TPPP2: variants seen among roughly 807,000 people sequenced by gnomAD.
TPPP2 encodes the protein tubulin polymerization promoting protein family member 2.
In TPPP2, 8 loss-of-function variants were observed where a neutral mutation model predicts 13.0. That is an observed-to-expected ratio of 0.62 (90% CI 0.36 to 1.11). TPPP2 has a LOEUF of 1.11. TPPP2 is among the 50% of genes most tolerant of loss of function. The probability of loss-of-function intolerance (pLI) is 0.02; values close to 1 mark genes in which losing one functional copy is unlikely to be tolerated. For synonymous variants in TPPP2, 81 were observed against 81.8 expected (o/e 0.99, Z 0.05); for missense variants, 213 against 216.9 (o/e 0.98, Z 0.11).
chr14:21,035,067 T>C (rs1333881969), downstream of TPPP2, among the ~76,000 whole-genome samples: 1 of 152,214 alleles, frequency 6.6e-6, no homozygotes, highest in Non-Finnish European at 1.5e-5. Context: ...GAACAGAGCA[T>C]TCGCCACTTT....
chr14:21,034,401 C>A, downstream of TPPP2: 1 of 769,270 alleles, frequency 1.3e-6, no homozygotes. Context: ...TAGAGATCAT[C>A]TCACCCATAA....
upstream of TPPP2, chr14:21,025,407 T>G (rs1002853027): frequency 3.0e-6 from 3 of 985,582 alleles, no homozygotes; most frequent in Non-Finnish European, 3.6e-6. The surrounding 1 kb of genome is among the most constrained non-coding windows in gnomAD (Gnocchi z 5.1). Context: ...GATCTGCAAT[T>G]GCACTCTGGC....
chr14:21,034,172 A>T (rs199998997), downstream of TPPP2: 1 of 1,614,022 alleles, frequency 6.2e-7, no homozygotes. Flanking sequence ...TAACCCTGGG[A>T]TAGTCAATGC....
At chr14:21,029,109 A>G (rs1371189678), upstream of TPPP2, 1 of 152,182 alleles carries the variant, frequency 6.6e-6, no homozygotes, top group African/African-American at 2.4e-5. Context: ...CACATCTGTT[A>G]TACTCCAAGG....
Position 21,032,266 on chromosome 14 carries a change from C to T in TPPP2, c.*189C>T, listed in dbSNP as rs1015074612. Reference sequence around the variant, plus strand: ...GGTGGGTTCTCCACCACACACCCTTCGCTCTGCTTAGCCTTATGCCTACCA... The same window carrying T: ...GGTGGGTTCTCCACCACACACCCTTTGCTCTGCTTAGCCTTATGCCTACCA... On this transcript the variant is annotated 3_prime_UTR_variant, in exon 4 of 4. Transcript: ENST00000321760. 8.6e-6 allele frequency: 6 copies of T among 695,468 alleles called. No homozygotes were observed. Among genetic ancestry groups the T allele is most frequent in the African/African-American group, 3.5e-5 (2 of 56,988 alleles). The allele number at this position is 695,468 out of a possible 1,614,324, so 43.1% of individuals were successfully genotyped here. A position where few individuals can be genotyped will look rare whatever the true frequency, so the allele number is the denominator to read the frequency against.
At chr14:21,034,509 A>T (rs112963399), downstream of TPPP2, 324 of 566,636 alleles carry the variant, frequency 5.7e-4, 2 homozygotes, top group African/African-American at 5.4e-3. Flanking sequence ...CCACCACAGA[A>T]TCTCAGCCTC....
chr14:21,034,042 G>C, downstream of TPPP2: 1 of 1,614,130 alleles, frequency 6.2e-7, no homozygotes, highest in Non-Finnish European at 8.5e-7. Context: ...CAGAACTTCT[G>C]GATGGCCTTC....
In TPPP2 at chr14:21,030,622, C is replaced by G. The variant is rs777450911; in HGVS notation, c.41C>G (p.Ala14Gly). 1 of 1,613,836 alleles carries G rather than the reference C, an allele frequency of 6.2e-7. No homozygotes were observed. Among genetic ancestry groups the G allele is most frequent in the African/African-American group, 1.3e-5 (1 of 74,900 alleles). ...GAAAAAACATTCCATCGGTTTGCTG[C>G]GTTTGGAGAATCATCAAGCAGTGGC... ...EAEKTFHRFA[A>G]FGESSSSGTE... Residue 14 changes from alanine (A) to glycine (G), a missense_variant, in exon 2 of 4, where the codon GCG becomes GGG. Physicochemically the swap from Ala to Gly is moderately conservative, Grantham distance 60. Coordinates refer to ENST00000321760, the MANE Select transcript of TPPP2 (RefSeq NM_173846.5).
intron 3 of TPPP2, chr14:21,031,396 G>C (rs375035778): frequency 3.8e-6 from 2 of 531,686 alleles, no homozygotes. Context: ...CAAGTGTCTA[G>C]TATCTGAGCC....
At chr14:21,033,656 C>T, downstream of TPPP2, 1 of 633,274 alleles carries the variant, frequency 1.6e-6, no homozygotes, top group Non-Finnish European at 2.8e-6. Flanking sequence ...CACCACTTTG[C>T]ATGGTGATCA....
chr14:21,027,028 A>G (rs1883725950), upstream of TPPP2, among the ~76,000 whole-genome samples: 1 of 152,180 alleles, frequency 6.6e-6, no homozygotes, highest in South Asian at 2.1e-4. Context: ...TGAAGGTTCC[A>G]GCATCTAAAT....
downstream of TPPP2, chr14:21,035,864 G>A (rs1166628893): frequency 2.4e-5 from 11 of 455,884 alleles, 1 homozygote; most frequent in East Asian, 2.8e-4. Context: ...TCCCAGCTAC[G>A]GGGAGGCGGT....
chr14:21,031,704 C>G (rs774049458), intron 3 of TPPP2, among the ~76,000 whole-genome samples, 188 bp from the exon 4 acceptor site: 14 of 152,138 alleles, frequency 9.2e-5, no homozygotes, highest in Admixed American at 2.0e-4. Flanking sequence ...CCTCCTCCCC[C>G]ATGAGTGAAC....
chr14:21,025,637 C>T (rs1185944837), upstream of TPPP2: 4 of 985,384 alleles, frequency 4.1e-6, no homozygotes, highest in East Asian at 1.1e-4. This position sits in a 1 kb window ranked among gnomAD's most constrained non-coding sequence, Gnocchi z 5.1. Context: ...ACGTCGAGGG[C>T]GCAGGAGTTC....
At chr14:21,027,844 G>A (rs1307973632), upstream of TPPP2, among the ~76,000 whole-genome samples, 1 of 152,202 alleles carries the variant, frequency 6.6e-6, no homozygotes, top group Non-Finnish European at 1.5e-5. Flanking sequence ...ACCACCAAAT[G>A]AGAAGTGCAA....
At chr14:21,033,417 T>C, downstream of TPPP2, 2 of 281,502 alleles carry the variant, frequency 7.1e-6, no homozygotes, top group South Asian at 8.0e-5. Context: ...ATGAGAAGGC[T>C]GGTGGGGATG....
At chr14:21,024,618 G>C (rs114484261) in intron 1 of TPPP2, 1 of 983,980 alleles carries the variant, frequency 1.0e-6, no homozygotes, top group Non-Finnish European at 1.2e-6. Context: ...TAGGTCCCAC[G>C]AGTGGAGAAA....
chr14:21,033,962 G>T, downstream of TPPP2: 1 of 1,614,084 alleles, frequency 6.2e-7, no homozygotes, highest in South Asian at 1.1e-5. Context: ...AGCAGACCGT[G>T]ATGGGGAGGG....
chr14:21,031,293 G>C lies in TPPP2; in HGVS notation c.327+128G>C, dbSNP rs762370341. 3 of 1,277,690 alleles carry C rather than the reference G, an allele frequency of 2.3e-6. No individual in the cohort carries two copies. In the African/African-American group the frequency reaches 4.5e-5, roughly 19 times the overall value. 79.1% of individuals were successfully genotyped at this position (1,277,690 alleles called of 1,614,324 possible). A position where few individuals can be genotyped will look rare whatever the true frequency, so the allele number is the denominator to read the frequency against. ...CGAAACAGACTTTAGAGATCATCTA[G>C]ACATTCCAGAAGTCAGGAAAATGTG... On this transcript the variant is annotated intron_variant, in intron 3 of 3. Transcript: ENST00000321760.
Sources: allele counts gnomAD v4.1 joint callset (sites outside exome capture counted in the v4.1 genomes callset), GRCh38; gene constraint gnomAD v4.1.1; non-coding constraint Gnocchi (gnomAD v3.1); transcripts MANE v1.5; gene names NCBI Gene and HGNC (gene_info 2026-07-23, HGNC 2026-07-21).